RABGAP1L: variants seen among roughly 807,000 people sequenced by gnomAD.
RABGAP1L encodes rab GTPase-activating protein 1-like.
Under a neutral mutation model 137.7 loss-of-function variants are expected in RABGAP1L, and 63 were observed. That is an observed-to-expected ratio of 0.46 (90% CI 0.37 to 0.56). The LOEUF is 0.56. Ranked by LOEUF, RABGAP1L falls within the 20% of genes least tolerant of loss-of-function variation. RABGAP1L has a pLI of 0.00. For missense variants in RABGAP1L, 1,095 were observed against 1,244.0 expected (o/e 0.88, Z 1.80); for synonymous variants, 431 against 433.7 (o/e 0.99, Z 0.08).
At chr1:174,420,439 A>C (rs1237722957) in intron 13 of RABGAP1L, among the ~76,000 whole-genome samples, 4 of 152,198 alleles carry the variant, frequency 2.6e-5, no homozygotes, top group Non-Finnish European at 4.4e-5. Flanking sequence ...AGATAATGAT[A>C]TGAATCTTGA....
intron 1 of RABGAP1L, among the ~76,000 whole-genome samples, chr1:174,210,873 T>C (rs1668835471): frequency 6.6e-6 from 1 of 152,154 alleles, no homozygotes; most frequent in Non-Finnish European, 1.5e-5. Context: ...AAATAACATA[T>C]AATGGAGCTC....
chr1:174,279,833 T>TA (rs1381538485), intron 10 of RABGAP1L, among the ~76,000 whole-genome samples: 4 of 152,016 alleles, frequency 2.6e-5, no homozygotes, highest in Non-Finnish European at 5.9e-5. Context: ...CCTTCTTTTT[T>TA]AAAAAAATAG....
At chr1:174,816,589 G>A (rs1309796055) in intron 19 of RABGAP1L, among the ~76,000 whole-genome samples, 1 of 152,116 alleles carries the variant, frequency 6.6e-6, no homozygotes, top group African/African-American at 2.4e-5. Flanking sequence ...CTGTTGGTCA[G>A]AAACTGTCAG....
intron 11 of RABGAP1L, among the ~76,000 whole-genome samples, chr1:174,350,155 T>C (rs1682988564): frequency 8.2e-6 from 1 of 122,316 alleles, no homozygotes; most frequent in Non-Finnish European, 1.7e-5. Context: ...CCCACCTCCC[T>C]CCCGGATGGG....
At chr1:174,321,046 C>T (rs968068807) in intron 11 of RABGAP1L, among the ~76,000 whole-genome samples, 8 of 152,074 alleles carry the variant, frequency 5.3e-5, no homozygotes, top group East Asian at 1.9e-4. Flanking sequence ...AAAGAGAATG[C>T]GTTCCTAGGG....
intron 1 of RABGAP1L, among the ~76,000 whole-genome samples, chr1:174,218,656 C>A (rs1023645020): frequency 2.6e-5 from 4 of 152,044 alleles, no homozygotes; most frequent in African/African-American, 9.7e-5. Flanking sequence ...AAAATATTTG[C>A]AGGTACAATA....
At chr1:174,436,681 T>C (rs1653361378) in intron 13 of RABGAP1L, among the ~76,000 whole-genome samples, 1 of 152,238 alleles carries the variant, frequency 6.6e-6, no homozygotes, top group Non-Finnish European at 1.5e-5. Flanking sequence ...TTGTCAATTT[T>C]GGCTTTTGTT....
At chr1:174,260,463 C>T (rs1404456789) in intron 7 of RABGAP1L, among the ~76,000 whole-genome samples, 1 of 152,136 alleles carries the variant, frequency 6.6e-6, no homozygotes, top group Admixed American at 6.5e-5. Flanking sequence ...AGAAAGCTGA[C>T]ATTAACAACT....
At chr1:174,685,135 T>C (rs1678361197) in intron 15 of RABGAP1L, among the ~76,000 whole-genome samples, 1 of 152,218 alleles carries the variant, frequency 6.6e-6, no homozygotes, top group South Asian at 2.1e-4. Flanking sequence ...GTGACATATC[T>C]AGTTTCCTGG....
At chr1:174,386,539 C>T (rs1320528404) in intron 12 of RABGAP1L, among the ~76,000 whole-genome samples, 1 of 151,396 alleles carries the variant, frequency 6.6e-6, no homozygotes, top group Non-Finnish European at 1.5e-5. Context: ...TGGAGTTTCA[C>T]TCTTGTTGCC....
intron 1 of RABGAP1L, among the ~76,000 whole-genome samples, chr1:174,166,425 T>G (rs1015421278): frequency 6.6e-6 from 1 of 152,182 alleles, no homozygotes; most frequent in Non-Finnish European, 1.5e-5. Flanking sequence ...CTGAGTAGCT[T>G]TTAGAATTTA....
chr1:174,967,106 T>G lies in RABGAP1L; in HGVS notation c.2434-2171T>G, dbSNP rs577671347. Reference sequence around the variant, plus strand: ...AGATTCTCCAATTATTTATTGGGGTTTTTTTCCCCCCTACAAGGAAGGCAG... The same window carrying G: ...AGATTCTCCAATTATTTATTGGGGTGTTTTTCCCCCCTACAAGGAAGGCAG... On this transcript the variant is annotated intron_variant, in intron 20 of 25. Coordinates refer to ENST00000681986, the MANE Select transcript of RABGAP1L (RefSeq NM_001366446.1). 1.9e-4 allele frequency among the ~76,000 whole-genome samples: 29 copies of G among 151,958 alleles called. No homozygotes were observed. The East Asian group carries it at 3.3e-3, about 17-fold the overall frequency.
chr1:174,256,658 G>T (rs1378097702), intron 7 of RABGAP1L, among the ~76,000 whole-genome samples: 1 of 152,178 alleles, frequency 6.6e-6, no homozygotes, highest in African/African-American at 2.4e-5. Flanking sequence ...GCGGGTGCCA[G>T]TGGTCCCAGC....
chr1:174,364,586 G>T lies in RABGAP1L; in HGVS notation c.1466-6393G>T, dbSNP rs558498641. ...CTTCATGGTTCAATGTTGGTAGGTT[G>T]TATATGTCTAGGAATTTATTAATTT... On this transcript the variant is annotated intron_variant, in intron 11 of 25. Coordinates refer to ENST00000681986, the MANE Select transcript of RABGAP1L (RefSeq NM_001366446.1). 5.3e-5 allele frequency among the ~76,000 whole-genome samples: 8 copies of T among 152,252 alleles called. No homozygotes were observed. In the East Asian group the frequency reaches 1.5e-3, roughly 29 times the overall value.
rs553042474 is a variant in RABGAP1L, at chr1:174,534,552, G to A, written c.1711-102823G>A. 2.5e-4 allele frequency among the ~76,000 whole-genome samples: 38 copies of A among 151,984 alleles called. No homozygotes were observed. The South Asian group carries it at 4.6e-3, about 18-fold the overall frequency. ...AGCTCTTTGGGAGGCTGAGGTGGGC[G>A]GATCACTGGAGGTTAGGAGTTCGAG... On this transcript the variant is annotated intron_variant, in intron 13 of 25. Coordinates refer to ENST00000681986, the MANE Select transcript of RABGAP1L (RefSeq NM_001366446.1).
intron 24 of RABGAP1L, among the ~76,000 whole-genome samples, chr1:174,986,506 G>C (rs969064104): frequency 6.6e-6 from 1 of 152,178 alleles, no homozygotes; most frequent in Non-Finnish European, 1.5e-5. Flanking sequence ...AAGGAGAAAT[G>C]GATATTGGGT....
intron 13 of RABGAP1L, among the ~76,000 whole-genome samples, chr1:174,539,467 G>T (rs1665178620): frequency 6.6e-6 from 1 of 151,908 alleles, no homozygotes; most frequent in Non-Finnish European, 1.5e-5. Flanking sequence ...AACAGGCCCT[G>T]GTGTGTGATG....
intron 19 of RABGAP1L, chr1:174,945,424 A>G (rs1167215413): frequency 6.6e-6 from 1 of 152,372 alleles, no homozygotes; most frequent in African/African-American, 2.4e-5. Context: ...AACATCCAAC[A>G]TGGTATACTA....
intron 11 of RABGAP1L, among the ~76,000 whole-genome samples, chr1:174,327,986 C>CACAT (rs1491279520): frequency 1.9e-5 from 1 of 53,648 alleles, no homozygotes; most frequent in Non-Finnish European, 3.1e-5. Context: ...TATACACACA[C>CACAT]ATATATATAT....
Sources: allele counts gnomAD v4.1 joint callset (sites outside exome capture counted in the v4.1 genomes callset), GRCh38; gene constraint gnomAD v4.1.1; transcripts MANE v1.5; gene names NCBI Gene and HGNC (gene_info 2026-07-23, HGNC 2026-07-21).